The following TMEM132D variants were observed in gnomAD, a reference collection of about 807,000 sequenced individuals.
TMEM132D encodes transmembrane protein 132D.
A neutral mutation model predicts 62.3 loss-of-function variants in TMEM132D; 21 were observed. The ratio of observed to expected loss-of-function variants is 0.34; its 90% CI spans 0.24 to 0.49. TMEM132D has a LOEUF of 0.49. Ranked by LOEUF, TMEM132D falls within the 20% of genes least tolerant of loss-of-function variation. The pLI, the probability that TMEM132D is intolerant of heterozygous loss-of-function variation, is 0.99. For synonymous variants in TMEM132D, 621 were observed against 575.6 expected (o/e 1.08, Z -1.13); for missense variants, 1,346 against 1,402.8 (o/e 0.96, Z 0.65).
At chr12:129,384,264 CA>C (rs1174868551) in intron 3 of TMEM132D, among the ~76,000 whole-genome samples, 1 of 152,100 alleles carries the variant, frequency 6.6e-6, no homozygotes, top group African/African-American at 2.4e-5. Context: ...TTAAACAAAA[CA>C]AAACAAACAA....
chr12:129,149,811 T>C (rs1376462476), intron 5 of TMEM132D, among the ~76,000 whole-genome samples: 2 of 152,082 alleles, frequency 1.3e-5, no homozygotes, highest in Non-Finnish European at 2.9e-5. Flanking sequence ...TGTCTGGCTA[T>C]GGGGGCAGAT....
chr12:129,375,572 C>A (rs1870758778), intron 3 of TMEM132D, among the ~76,000 whole-genome samples: 1 of 152,168 alleles, frequency 6.6e-6, no homozygotes, highest in South Asian at 2.1e-4. Context: ...TAAAGGAAAT[C>A]AAACTGTATG....
intron 2 of TMEM132D, among the ~76,000 whole-genome samples, chr12:129,591,548 T>TTTC (rs1260941753): frequency 6.6e-6 from 1 of 151,556 alleles, no homozygotes; most frequent in East Asian, 1.9e-4. Flanking sequence ...GGGTTTTTTT[T>TTTC]TTCTCGGTTT....
At chr12:129,387,397 A>G (rs1292381203) in intron 3 of TMEM132D, among the ~76,000 whole-genome samples, 2 of 151,964 alleles carry the variant, frequency 1.3e-5, no homozygotes, top group Non-Finnish European at 2.9e-5. Flanking sequence ...ACTAACATCA[A>G]CATCAACCAT....
intron 3 of TMEM132D, among the ~76,000 whole-genome samples, chr12:129,429,630 A>C (rs1266931540): frequency 6.6e-6 from 1 of 150,896 alleles, no homozygotes; most frequent in Non-Finnish European, 1.5e-5. Flanking sequence ...CATGGGCACA[A>C]TGTGCAGGTT....
chr12:129,448,900 T>A (rs1270375600), intron 3 of TMEM132D, among the ~76,000 whole-genome samples: 1 of 152,198 alleles, frequency 6.6e-6, no homozygotes, highest in Non-Finnish European at 1.5e-5. Flanking sequence ...GCCAGTAACG[T>A]ATCATAAATC....
At chr12:129,335,998 C>A (rs1209056076) in intron 4 of TMEM132D, among the ~76,000 whole-genome samples, 1 of 152,174 alleles carries the variant, frequency 6.6e-6, no homozygotes, top group Non-Finnish European at 1.5e-5. Context: ...ATGAGGTAAT[C>A]ATGAGGATGG....
intron 3 of TMEM132D, among the ~76,000 whole-genome samples, chr12:129,356,679 A>C (rs967842807): frequency 7.4e-5 from 11 of 148,630 alleles, no homozygotes; most frequent in Admixed American, 1.3e-4. Context: ...TAAATAAATA[A>C]ATAAATAAAT....
chr12:129,873,202 C>T (rs146170928), intron 1 of TMEM132D, among the ~76,000 whole-genome samples: 2,192 of 152,232 alleles, frequency 0.014, 20 homozygotes, highest in Non-Finnish European at 0.022. Flanking sequence ...TCGCATCAGA[C>T]ATATGCAGCA....
chr12:129,279,133 C>A (rs2135607672), intron 4 of TMEM132D, among the ~76,000 whole-genome samples: 1 of 152,284 alleles, frequency 6.6e-6, no homozygotes, highest in Non-Finnish European at 1.5e-5. Flanking sequence ...CAAAAAGAAC[C>A]TGTGCAGCCC....
intron 4 of TMEM132D, among the ~76,000 whole-genome samples, chr12:129,238,703 C>T (rs1454729429): frequency 6.6e-6 from 1 of 152,184 alleles, no homozygotes; most frequent in Non-Finnish European, 1.5e-5. Context: ...ATGTATAGAT[C>T]ACATATTGCT....
At chr12:129,781,592 T>C (rs1871121478) in intron 1 of TMEM132D, among the ~76,000 whole-genome samples, 1 of 152,168 alleles carries the variant, frequency 6.6e-6, no homozygotes, top group African/African-American at 2.4e-5. Flanking sequence ...TCTCAACATA[T>C]GGCTTCTACC....
chr12:129,407,269 GAAAA>G (rs1266367416), intron 3 of TMEM132D, among the ~76,000 whole-genome samples: 1 of 152,120 alleles, frequency 6.6e-6, no homozygotes, highest in Non-Finnish European at 1.5e-5. Flanking sequence ...ATACAGAGGA[GAAAA>G]ATGTTAATCT....
intron 4 of TMEM132D, among the ~76,000 whole-genome samples, chr12:129,335,320 T>C (rs1371869714): frequency 1.3e-5 from 2 of 151,856 alleles, no homozygotes; most frequent in Non-Finnish European, 2.9e-5. Context: ...TTTTTTTTAG[T>C]AGAGATGGGG....
chr12:129,657,101 C>T (rs1880106318), intron 2 of TMEM132D, among the ~76,000 whole-genome samples: 1 of 152,234 alleles, frequency 6.6e-6, no homozygotes, highest in South Asian at 2.1e-4. Flanking sequence ...CTTAGACTCA[C>T]GGAAGTTAAA....
At chr12:129,341,620 TAC>T (rs1869488303) in intron 3 of TMEM132D, among the ~76,000 whole-genome samples, 1 of 152,210 alleles carries the variant, frequency 6.6e-6, no homozygotes, top group Non-Finnish European at 1.5e-5. Flanking sequence ...TAATAATGTT[TAC>T]TAAACAGACC....
chr12:129,565,648 T>C (rs1411960100), intron 2 of TMEM132D, among the ~76,000 whole-genome samples: 1 of 152,204 alleles, frequency 6.6e-6, no homozygotes, highest in Non-Finnish European at 1.5e-5. Context: ...CCATTCTGCC[T>C]GGTCTTTCAG....
At chr12:129,612,629 T>TAC (rs769128481) in intron 2 of TMEM132D, among the ~76,000 whole-genome samples, 1 of 150,722 alleles carries the variant, frequency 6.6e-6, no homozygotes, top group African/African-American at 2.4e-5. Flanking sequence ...CTTTTTAAAA[T>TAC]ATATATATAT....
At chr12:129,508,586 T>C (rs530211771) in intron 3 of TMEM132D, among the ~76,000 whole-genome samples, 25 of 152,176 alleles carry the variant, frequency 1.6e-4, no homozygotes, top group African/African-American at 5.3e-4. Flanking sequence ...CGTAGGAAAA[T>C]TTCTTCGTTT....
Sources: allele counts gnomAD v4.1 joint callset (sites outside exome capture counted in the v4.1 genomes callset), GRCh38; gene constraint gnomAD v4.1.1; transcripts MANE v1.5; gene names NCBI Gene and HGNC (gene_info 2026-07-23, HGNC 2026-07-21).